NPAS3: variants seen among roughly 807,000 people sequenced by gnomAD.
The protein encoded by NPAS3 is neuronal PAS domain-containing protein 3.
Under a neutral mutation model 73.1 loss-of-function variants are expected in NPAS3, and 14 were observed. That is an observed-to-expected ratio of 0.19 (90% CI 0.13 to 0.30). The LOEUF (loss-of-function observed/expected upper bound fraction) is 0.30. NPAS3 is among the 10% of genes least tolerant of loss of function. NPAS3 has a pLI of 1.00. For synonymous variants in NPAS3, 620 were observed against 541.5 expected, an observed-to-expected ratio of 1.14 and a Z score of -2.01; for missense variants, 1,096 against 1,250.0, an observed-to-expected ratio of 0.88 and a Z score of 1.86.
chr14:33,644,944 G>A (rs888817161), intron 5 of NPAS3, among the ~76,000 whole-genome samples: 1 of 151,956 alleles, frequency 6.6e-6, no homozygotes, highest in South Asian at 2.1e-4. Context: ...ATCCAGGTGT[G>A]GTGGCGGGCA....
chr14:33,262,192 G>C (rs2048998793), intron 3 of NPAS3, among the ~76,000 whole-genome samples: 1 of 152,144 alleles, frequency 6.6e-6, no homozygotes, highest in African/African-American at 2.4e-5. Flanking sequence ...TTCTGCCTCT[G>C]CCTTCATCAT....
intron 3 of NPAS3, among the ~76,000 whole-genome samples, chr14:33,294,327 A>G (rs2042212247): frequency 6.6e-6 from 1 of 152,134 alleles, no homozygotes; most frequent in Non-Finnish European, 1.5e-5. Flanking sequence ...TTTTTCTGGA[A>G]TGCTCGATCC....
At chr14:33,540,492 A>C (rs1193574101) in intron 4 of NPAS3, among the ~76,000 whole-genome samples, 1 of 152,236 alleles carries the variant, frequency 6.6e-6, no homozygotes, top group African/African-American at 2.4e-5. Flanking sequence ...CATAACCCCA[A>C]GGAGCCTATT....
At chr14:33,280,606 T>G (rs1419256952) in intron 3 of NPAS3, among the ~76,000 whole-genome samples, 1 of 152,298 alleles carries the variant, frequency 6.6e-6, no homozygotes, top group East Asian at 1.9e-4. Flanking sequence ...ATGTGGATTA[T>G]ATAACATAGA....
rs375516521 is a variant in NPAS3, at chr14:33,262,571, C to T, written c.385+47145C>T. Among the ~76,000 whole-genome samples the T allele has an allele frequency of 1.7e-4, 26 of 152,092 alleles. No homozygotes were observed. The East Asian group carries it at 3.3e-3, about 19-fold the overall frequency. ...TATATTTAATAATAGTAAAACATTG[C>T]CTGTTCTCATTTTTCCACAATTATT... On this transcript the variant is annotated intron_variant, in intron 3 of 11. Transcript: ENST00000356141.
chr14:33,645,930 G>A (rs1341736837), intron 5 of NPAS3, among the ~76,000 whole-genome samples: 1 of 152,226 alleles, frequency 6.6e-6, no homozygotes, highest in East Asian at 1.9e-4. Flanking sequence ...CATGGGAGCT[G>A]GAAGCACAGC....
chr14:33,539,151 A>G (rs760941558), intron 4 of NPAS3, among the ~76,000 whole-genome samples: 4 of 152,048 alleles, frequency 2.6e-5, no homozygotes, highest in African/African-American at 4.8e-5. Context: ...TCCTGTCTCA[A>G]CATTGCGGTG....
intron 2 of NPAS3, among the ~76,000 whole-genome samples, chr14:33,067,846 T>C (rs1229815141): frequency 1.3e-5 from 2 of 152,228 alleles, no homozygotes; most frequent in Non-Finnish European, 2.9e-5. Context: ...CTTGCACTTC[T>C]TTTGCTTTAT....
At chr14:33,172,815 A>C (rs2045446847) in intron 2 of NPAS3, among the ~76,000 whole-genome samples, 2 of 152,174 alleles carry the variant, frequency 1.3e-5, no homozygotes, top group South Asian at 4.1e-4. Flanking sequence ...AAAATTGTCT[A>C]CTTAATAAAC....
intron 3 of NPAS3, among the ~76,000 whole-genome samples, chr14:33,261,450 A>G (rs778326875): frequency 5.9e-5 from 9 of 152,166 alleles, no homozygotes; most frequent in Non-Finnish European, 1.3e-4. Context: ...ACTTTATGGC[A>G]ATGAACATCC....
At chr14:33,254,069 C>T (rs1202224087) in intron 3 of NPAS3, among the ~76,000 whole-genome samples, 1 of 152,086 alleles carries the variant, frequency 6.6e-6, no homozygotes, top group South Asian at 2.1e-4. Context: ...ATCCTCTCTG[C>T]TTTACTTAAA....
In NPAS3 at chr14:33,215,165, C is replaced by T; in HGVS notation, c.141-17C>T. 2 of 1,612,444 alleles carry T rather than the reference C, an allele frequency of 1.2e-6. No homozygotes were observed. The highest frequency in any genetic ancestry group is 1.7e-4 in the Middle Eastern group (1 of 6,050). Reference sequence around the variant, plus strand: ...TCACATATTCTAAACCACACATTCTCACTCCTTTGATTTCAGTTTACAAGC... The same window carrying T: ...TCACATATTCTAAACCACACATTCTTACTCCTTTGATTTCAGTTTACAAGC... On this transcript the variant is annotated splice_polypyrimidine_tract_variant and intron_variant, in intron 2 of 11. Coordinates refer to ENST00000356141, the Ensembl canonical transcript of NPAS3.
At chr14:33,187,173 C>T (rs894107888) in intron 2 of NPAS3, among the ~76,000 whole-genome samples, 1 of 152,196 alleles carries the variant, frequency 6.6e-6, no homozygotes, top group African/African-American at 2.4e-5. Flanking sequence ...CATCCTTTCT[C>T]AGAATGGTCT....
chr14:33,240,905 A>G (rs879547657), intron 3 of NPAS3, among the ~76,000 whole-genome samples: 6 of 151,890 alleles, frequency 4.0e-5, no homozygotes, highest in Admixed American at 3.3e-4. Flanking sequence ...ACTAATAATT[A>G]CAACACTTCC....
In NPAS3 at chr14:33,066,903, C is replaced by T. The variant is rs141531644; in HGVS notation, c.140+10909C>T. Reference sequence around the variant, plus strand: ...ACTGCATAGGCTGCAGTAATTGATACGGCTGAAATCCGGAGAAAAGGAAAG... The same window carrying T: ...ACTGCATAGGCTGCAGTAATTGATATGGCTGAAATCCGGAGAAAAGGAAAG... On this transcript the variant is annotated intron_variant, in intron 2 of 11. Transcript: ENST00000356141. Among the ~76,000 whole-genome samples, 771 of 152,210 alleles carry T rather than the reference C, an allele frequency of 5.1e-3. 7 individuals are homozygous for T. Among genetic ancestry groups the T allele is most frequent in the African/African-American group, 0.015 (637 of 41,530 alleles).
At chr14:33,348,493 T>C (rs1170713181) in intron 3 of NPAS3, among the ~76,000 whole-genome samples, 8 of 152,190 alleles carry the variant, frequency 5.3e-5, no homozygotes, top group Non-Finnish European at 1.2e-4. Context: ...AACCCCTCAT[T>C]TGGAAACTAT....
rs557539016 is a variant in NPAS3 at position 33,259,319 on chromosome 14, A to G, written c.385+43893A>G. Among the ~76,000 whole-genome samples the G allele has an allele frequency of 6.6e-5, 10 of 152,308 alleles. No individual in the cohort carries two copies. In the South Asian group the frequency reaches 1.2e-3, roughly 19 times the overall value. ...TTTTTTTTCTCTGTAGAAGACTACA[A>G]CAAAAAGTGTCACTGACCACCCATT... On this transcript the variant is annotated intron_variant, in intron 3 of 11. Transcript: ENST00000356141.
chr14:33,419,382 G>A (rs1594874148), intron 4 of NPAS3, among the ~76,000 whole-genome samples: 1 of 151,764 alleles, frequency 6.6e-6, no homozygotes, highest in East Asian at 1.9e-4. Flanking sequence ...ATTTTATATA[G>A]AGGCATGCTT....
At chr14:33,133,284 G>A (rs2043707639) in intron 2 of NPAS3, among the ~76,000 whole-genome samples, 1 of 152,070 alleles carries the variant, frequency 6.6e-6, no homozygotes, top group Admixed American at 6.6e-5. Flanking sequence ...CACAAGAGGG[G>A]CTTTATCTTA....
Sources: gnomAD v4.1 joint callset for allele counts (sites outside exome capture counted in the v4.1 genomes callset) on GRCh38, gnomAD v4.1.1 for gene constraint, MANE v1.5 for transcripts, NCBI Gene and HGNC (gene_info 2026-07-23, HGNC 2026-07-21) for gene names.